The following ATP6V0A1 variants were observed in gnomAD, a reference collection of about 807,000 sequenced individuals.
ATP6V0A1 encodes the protein ATPase H+ transporting V0 subunit a1.
Under a neutral mutation model 105.4 loss-of-function variants are expected in ATP6V0A1, and 43 were observed. The observed-to-expected ratio is 0.41, with a 90% confidence interval of 0.32 to 0.53. The LOEUF is 0.53. ATP6V0A1 is among the 20% of genes least tolerant of loss of function. The probability of loss-of-function intolerance (pLI) is 0.30; values close to 1 mark genes in which losing one functional copy is unlikely to be tolerated. For synonymous variants in ATP6V0A1, 362 were observed against 372.8 expected (o/e 0.97, Z 0.33); for missense variants, 676 against 1,051.1 (o/e 0.64, Z 4.93).
rs1348489093 is a variant in ATP6V0A1, at chr17:42,485,531, TTTTG to T, written c.811-1612_811-1609del. On this transcript the variant is annotated intron_variant, in intron 9 of 21. Transcript: ENST00000343619. ...CCTTCTAGAAGAAGGGTTTTTTGTG[TTTTG>T]TTTGTTTGTTTTGTTTTGTTTTGTT... Among the ~76,000 whole-genome samples, 12 of 135,712 alleles carry T rather than the reference TTTTG, an allele frequency of 8.8e-5. No individual in the cohort carries two copies. In the South Asian group the frequency reaches 1.2e-3, roughly 14 times the overall value. 89.0% of individuals were successfully genotyped at this position (135,712 alleles called of 152,430 possible). A position where few individuals can be genotyped will look rare whatever the true frequency, so the allele number is the denominator to read the frequency against.
chr17:42,508,289 G>T (rs1201462431), intron 18 of ATP6V0A1, among the ~76,000 whole-genome samples: 4 of 152,160 alleles, frequency 2.6e-5, no homozygotes, highest in Non-Finnish European at 5.9e-5. Flanking sequence ...AGGAGTTGAG[G>T]ACTCAAGTTG....
rs2086430363 is a variant in ATP6V0A1 at position 42,461,741 on chromosome 17, G to A, written c.117+730G>A. 1.3e-5 allele frequency among the ~76,000 whole-genome samples: 2 copies of A among 152,170 alleles called. 1 individual carries two copies. The highest frequency in any genetic ancestry group is 4.8e-5 in the African/African-American group (2 of 41,444). On this transcript the variant is annotated intron_variant, in intron 2 of 21. Coordinates refer to ENST00000343619, the MANE Select transcript of ATP6V0A1 (RefSeq NM_001130021.3). ...AGCCGAGATTGTGTGATTGCACGCA[G>A]CCTGGGCGACAGAGCAAGACTCCGT...
intron 21 of ATP6V0A1, chr17:42,520,306 C>T (rs1318305971): frequency 5.2e-6 from 2 of 381,194 alleles, no homozygotes; most frequent in African/African-American, 4.2e-5. Flanking sequence ...GGAAGCACAG[C>T]CAAGCAGCCT....
intron 2 of ATP6V0A1, among the ~76,000 whole-genome samples, chr17:42,462,622 A>G (rs1412952654): frequency 3.3e-5 from 5 of 152,042 alleles, no homozygotes; most frequent in South Asian, 2.1e-4. Context: ...GTTTCACCAC[A>G]TTGGCCAGGC....
intron 2 of ATP6V0A1, among the ~76,000 whole-genome samples, chr17:42,463,248 C>A (rs1382600757): frequency 2.0e-5 from 3 of 149,436 alleles, no homozygotes; most frequent in Non-Finnish European, 4.5e-5. Flanking sequence ...CTCAGGTGAT[C>A]CATCCCCCCT....
rs369394543 is a variant in ATP6V0A1 at position 42,485,539 on chromosome 17, GTTTGTTTTGT to G, written c.811-1592_811-1583del. On this transcript the variant is annotated intron_variant, in intron 9 of 21. Transcript: ENST00000343619. ...AAGAAGGGTTTTTTGTGTTTTGTTT[GTTTGTTTTGT>G]TTTGTTTTGTTTTGTTTTGTTTTAA... is the stretch of plus-strand genomic sequence containing the variant. 3.7e-3 allele frequency among the ~76,000 whole-genome samples: 568 copies of G among 151,490 alleles called. 3 individuals are homozygous for G. Among genetic ancestry groups the G allele is most frequent in the African/African-American group, 0.012 (489 of 41,232 alleles).
chr17:42,466,534 G>A lies in ATP6V0A1; in HGVS notation c.196+27G>A, dbSNP rs372654749. ...TATGTGCACTTTGGTCTTGTGTAAT[G>A]TTCCTTTAATGAATCATTTGTCTTA... On this transcript the variant is annotated intron_variant, in intron 3 of 21. Coordinates refer to ENST00000343619, the MANE Select transcript of ATP6V0A1 (RefSeq NM_001130021.3). The A allele has an allele frequency of 5.1e-6, 8 of 1,572,074 alleles. No individual in the cohort carries two copies. The African/African-American group carries it at 6.7e-5, about 13-fold the overall frequency.
intron 4 of ATP6V0A1, 129 bp from the exon 5 acceptor site, chr17:42,469,961 A>G: frequency 1.0e-6 from 1 of 968,730 alleles, no homozygotes; most frequent in Non-Finnish European, 1.5e-6. Flanking sequence ...AAATCACAGT[A>G]TTTGCTAGGC....
At position 42,487,364 on chromosome 17, in the gene ATP6V0A1, C is replaced by T; in HGVS notation, c.1020C>T (p.Gly340=). 1 of 1,613,352 alleles carries T rather than the reference C, an allele frequency of 6.2e-7. No individual in the cohort carries two copies. Among genetic ancestry groups the T allele is most frequent in the African/African-American group, 1.3e-5 (1 of 75,020 alleles). Residue 340 remains glycine, a synonymous_variant, in exon 10 of 22, where the codon GGC becomes GGT. Transcript: ENST00000343619. ...LDSIQFALRR[G]TEHSGSTVPS... ...CCATCCAGTTTGCACTCAGAAGGGG[C>T]ACGGTGAGTCCCCAAAGCTAACAAT...
intron 11 of ATP6V0A1, among the ~76,000 whole-genome samples, 157 bp downstream of exon 11, chr17:42,490,794 T>A (rs973162398): frequency 6.6e-6 from 1 of 152,132 alleles, no homozygotes; most frequent in Non-Finnish European, 1.5e-5. Context: ...CCTCAAGAGA[T>A]CCTCCCAACT....
intron 15 of ATP6V0A1, among the ~76,000 whole-genome samples, chr17:42,500,377 G>C (rs985123876): frequency 6.6e-6 from 1 of 152,230 alleles, no homozygotes; most frequent in Non-Finnish European, 1.5e-5. Context: ...CTACTCGAGA[G>C]GCTGAGGTAA....
intron 21 of ATP6V0A1, chr17:42,519,562 G>A (rs898801594): frequency 6.6e-6 from 1 of 152,252 alleles, no homozygotes; most frequent in Non-Finnish European, 1.5e-5. Context: ...CCTAACACAA[G>A]TGGGTGAGAA....
At chr17:42,492,445 G>A (rs1295181344) in intron 11 of ATP6V0A1, among the ~76,000 whole-genome samples, 3 of 150,878 alleles carry the variant, frequency 2.0e-5, no homozygotes, top group East Asian at 3.9e-4. Flanking sequence ...GGTGGCTCAC[G>A]CCTGTAATCC....
intron 16 of ATP6V0A1, 88 bp downstream of exon 16, chr17:42,501,011 G>A: frequency 7.2e-7 from 1 of 1,385,012 alleles, no homozygotes. Flanking sequence ...ATTTATAACT[G>A]CCCTTCTATG....
At chr17:42,507,096 T>C (rs1354530618) in intron 17 of ATP6V0A1, among the ~76,000 whole-genome samples, 1 of 152,236 alleles carries the variant, frequency 6.6e-6, no homozygotes, top group Non-Finnish European at 1.5e-5. Context: ...ACAATGTCAC[T>C]TGGCCCCCCT....
chr17:42,514,828 G>C (rs2092536282), intron 21 of ATP6V0A1, among the ~76,000 whole-genome samples: 1 of 152,090 alleles, frequency 6.6e-6, no homozygotes. Context: ...AACAGTGGAA[G>C]CAGCTCTGGA....
rs577777173 is a variant in ATP6V0A1, at chr17:42,459,438, G to A, written c.-48+475G>A. Among the ~76,000 whole-genome samples, 4 of 152,356 alleles carry A rather than the reference G, an allele frequency of 2.6e-5. No individual in the cohort carries two copies. In the East Asian group the frequency reaches 7.7e-4, roughly 29 times the overall value. On this transcript the variant is annotated intron_variant, in intron 1 of 21. Coordinates refer to ENST00000343619, the MANE Select transcript of ATP6V0A1 (RefSeq NM_001130021.3). Reference sequence around the variant, plus strand: ...GGCGCTGTAGTTGGACTCATCTTTTGCAGAATTGCTGTTTCTTCATATTTT... The same window carrying A: ...GGCGCTGTAGTTGGACTCATCTTTTACAGAATTGCTGTTTCTTCATATTTT...
intron 14 of ATP6V0A1, among the ~76,000 whole-genome samples, chr17:42,497,595 C>T (rs986022347): frequency 1.3e-5 from 2 of 151,626 alleles, no homozygotes; most frequent in African/African-American, 2.4e-5. Context: ...ATTGCTTGAA[C>T]CCAGGAGGCA....
intron 9 of ATP6V0A1, among the ~76,000 whole-genome samples, chr17:42,484,383 A>T (rs1362285609): frequency 6.6e-6 from 1 of 152,104 alleles, no homozygotes; most frequent in African/African-American, 2.4e-5. Context: ...ATAATTTTTT[A>T]AAAGTATGCT....
Sources: gnomAD v4.1 joint callset for allele counts (sites outside exome capture counted in the v4.1 genomes callset) on GRCh38, gnomAD v4.1.1 for gene constraint, MANE v1.5 for transcripts, NCBI Gene and HGNC (gene_info 2026-07-23, HGNC 2026-07-21) for gene names.